Variants in ATXN10 observed in about 807,000 individuals in gnomAD.
The protein encoded by ATXN10 is ataxin-10.
Under a neutral mutation model 52.9 loss-of-function variants are expected in ATXN10, and 28 were observed. The observed-to-expected ratio is 0.53, with a 90% CI of 0.39 to 0.73. The LOEUF is 0.73. ATXN10 is among the 30% of genes least tolerant of loss of function. The probability of loss-of-function intolerance (pLI) is 0.00; values close to 1 mark genes in which losing one functional copy is unlikely to be tolerated. For synonymous variants in ATXN10, 226 were observed against 221.5 expected (o/e 1.02, Z -0.18); for missense variants, 565 against 577.0 (o/e 0.98, Z 0.21).
rs151036700 is a variant in ATXN10, at chr22:45,680,666, G to A, written c.116+8487G>A. On this transcript the variant is annotated intron_variant, in intron 1 of 11. Transcript: ENST00000252934. ...TTTGGTAGAGATTAGCTCTCACTAT[G>A]TTTCCCAGGCTGGTCTTGAACTCCT... Among the ~76,000 whole-genome samples the A allele has an allele frequency of 7.5e-3, 1,123 of 150,416 alleles. 19 individuals are homozygous for A. Among genetic ancestry groups the A allele is most frequent in the African/African-American group, 0.026 (1,064 of 40,770 alleles).
At chr22:45,689,298 A>G (rs1601589580) in intron 1 of ATXN10, among the ~76,000 whole-genome samples, 1 of 152,210 alleles carries the variant, frequency 6.6e-6, no homozygotes, top group East Asian at 1.9e-4. Flanking sequence ...GTAGATCCAT[A>G]AGCATGAGCA....
chr22:45,792,918 G>C, intron 9 of ATXN10: 1 of 417,126 alleles, frequency 2.4e-6, no homozygotes, highest in Non-Finnish European at 4.9e-6. Context: ...ACCTACATAG[G>C]GAGCCACATG....
At position 45,789,465 on chromosome 22, in the gene ATXN10, C is replaced by G. The variant is rs753526618; in HGVS notation, c.1174-17494C>G. Among the ~76,000 whole-genome samples the G allele has an allele frequency of 1.0e-3, 159 of 152,198 alleles. No homozygotes were observed. Among genetic ancestry groups the G allele is most frequent in the Non-Finnish European group, 2.0e-3 (136 of 68,018 alleles). ...CTCTTGTCATTGAAAGCCCCAGAGT[C>G]TAATGAAAGAGTGAGACAAGCAAAC... On this transcript the variant is annotated intron_variant, in intron 9 of 11. Transcript: ENST00000252934. This position sits in a 1 kb window ranked among gnomAD's most constrained non-coding sequence, Gnocchi z 4.0.
At chr22:45,698,569 T>C (rs1209873396) in intron 3 of ATXN10, among the ~76,000 whole-genome samples, 2 of 152,236 alleles carry the variant, frequency 1.3e-5, no homozygotes, top group African/African-American at 2.4e-5. Context: ...CTTAACACTA[T>C]TGAGTTTTCA....
chr22:45,716,325 C>CTT (rs1157868947), intron 5 of ATXN10, among the ~76,000 whole-genome samples: 31 of 133,268 alleles, frequency 2.3e-4, no homozygotes, highest in South Asian at 7.2e-4. Flanking sequence ...TGAGTGCTTC[C>CTT]TTTTTTTTTT....
At chr22:45,672,301 C>G in intron 1 of ATXN10, 122 bp downstream of exon 1, 1 of 1,084,492 alleles carries the variant, frequency 9.2e-7, no homozygotes, top group Non-Finnish European at 1.1e-6. Flanking sequence ...GCGAGGCCTG[C>G]GCGGGCTGCC....
At chr22:45,804,919 A>G (rs954332228) in intron 9 of ATXN10, among the ~76,000 whole-genome samples, 1 of 152,118 alleles carries the variant, frequency 6.6e-6, no homozygotes, top group African/African-American at 2.4e-5. Flanking sequence ...ATCACACACA[A>G]GATTCTCATA....
In ATXN10 at chr22:45,672,120, C is replaced by T. The variant is rs1372854487; in HGVS notation, c.57C>T (p.Pro19=). 1 of 1,540,480 alleles carries T rather than the reference C, an allele frequency of 6.5e-7. No individual in the cohort carries two copies. The highest frequency in any genetic ancestry group is 8.7e-7 in the Non-Finnish European group (1 of 1,145,648). Residue 19 remains proline (P), a synonymous_variant, in exon 1 of 12, where the codon CCC becomes CCT. Coordinates refer to ENST00000252934, the MANE Select transcript of ATXN10 (RefSeq NM_013236.4). ...TGTCGGGCGTCATGGTGCCGGCGCC[C>T]ATCCAAGACCTGGAGGCCCTGCGCG... ...ARLSGVMVPA[P]IQDLEALRAL...
chr22:45,679,486 A>G (rs1922831046), intron 1 of ATXN10: 1 of 152,264 alleles, frequency 6.6e-6, no homozygotes, highest in Non-Finnish European at 1.5e-5. Context: ...AGGTCAACAT[A>G]CCACAGAGGT....
At chr22:45,679,867 T>G (rs1922850086) in intron 1 of ATXN10, 1 of 152,192 alleles carries the variant, frequency 6.6e-6, no homozygotes, top group Non-Finnish European at 1.5e-5. Context: ...CCTCATACAT[T>G]CAATTATCTT....
Position 45,795,680 on chromosome 22 carries a change from G to T in ATXN10, c.1174-11279G>T, listed in dbSNP as rs987765039. On this transcript the variant is annotated intron_variant, in intron 9 of 11. Coordinates refer to ENST00000252934, the MANE Select transcript of ATXN10 (RefSeq NM_013236.4). The surrounding 1 kb of genome is among the most constrained non-coding windows in gnomAD (Gnocchi z 4.6). ...GAACATAAATTGTTAAGATTTCATG[G>T]ACATTTATTAGTTCCCCAAATTAAT... 2.0e-5 allele frequency among the ~76,000 whole-genome samples: 3 copies of T among 152,110 alleles called. No homozygotes were observed. The highest frequency in any genetic ancestry group is 4.4e-5 in the Non-Finnish European group (3 of 68,042).
Position 45,823,860 on chromosome 22 carries a change from C to T in ATXN10, c.1237+16838C>T, listed in dbSNP as rs979581048. Among the ~76,000 whole-genome samples, 1 of 152,186 alleles carries T rather than the reference C, an allele frequency of 6.6e-6. No homozygotes were observed. The highest frequency in any genetic ancestry group is 2.4e-5 in the African/African-American group (1 of 41,436). On this transcript the variant is annotated intron_variant, in intron 10 of 11. Transcript: ENST00000252934. This position sits in a 1 kb window ranked among gnomAD's most constrained non-coding sequence, Gnocchi z 4.9. Reference sequence around the variant, plus strand: ...AAGGTTTCAGTATGGTAGGTGGGCACACCCCCTGCTAGGCTTGGGGGCAGG... The same window carrying T: ...AAGGTTTCAGTATGGTAGGTGGGCATACCCCCTGCTAGGCTTGGGGGCAGG...
At chr22:45,817,478 C>T (rs567680181) in intron 10 of ATXN10, among the ~76,000 whole-genome samples, 2 of 152,190 alleles carry the variant, frequency 1.3e-5, no homozygotes, top group East Asian at 1.9e-4. Flanking sequence ...GCCCATGCCA[C>T]GACGCCTGGC....
intron 9 of ATXN10, among the ~76,000 whole-genome samples, chr22:45,798,655 G>A (rs908970225): frequency 5.3e-5 from 8 of 152,248 alleles, no homozygotes; most frequent in South Asian, 2.1e-4. Flanking sequence ...AGTAAACAAC[G>A]TGCTGAAGGT....
chr22:45,694,150 C>T (rs561002825), intron 3 of ATXN10, among the ~76,000 whole-genome samples: 13 of 152,002 alleles, frequency 8.6e-5, no homozygotes, highest in Middle Eastern at 3.4e-3. Context: ...CGGTTGTTGA[C>T]TTGGGATTAA....
chr22:45,792,822 G>A (rs1407713155), intron 9 of ATXN10: 2 of 529,416 alleles, frequency 3.8e-6, no homozygotes, highest in South Asian at 1.5e-5. Context: ...GAATAATGAG[G>A]CCAAAAGAGT....
intron 9 of ATXN10, among the ~76,000 whole-genome samples, chr22:45,768,083 A>G (rs986382417): frequency 6.6e-6 from 1 of 152,240 alleles, no homozygotes; most frequent in Non-Finnish European, 1.5e-5. Flanking sequence ...GCAGTATGAA[A>G]TCATGGTTAG....
chr22:45,757,281 A>G lies in ATXN10; in HGVS notation c.1173+16743A>G, dbSNP rs980294495. 6.6e-6 allele frequency among the ~76,000 whole-genome samples: 1 copy of G among 151,816 alleles called. No homozygotes were observed. The highest frequency in any genetic ancestry group is 6.6e-5 in the Admixed American group (1 of 15,236). ...TCCAACCCTGGCGACTTTCAGCTAC[A>G]CCCTCCTCCCTCCCCTAGCCCCACA... On this transcript the variant is annotated intron_variant, in intron 9 of 11. Coordinates refer to ENST00000252934, the MANE Select transcript of ATXN10 (RefSeq NM_013236.4). This position sits in a 1 kb window ranked among gnomAD's most constrained non-coding sequence, Gnocchi z 4.6.
chr22:45,694,737 G>A (rs1204265294), intron 3 of ATXN10, among the ~76,000 whole-genome samples: 2 of 151,598 alleles, frequency 1.3e-5, no homozygotes, highest in African/African-American at 2.4e-5. Context: ...AGCCGAGATC[G>A]TGCCATTGCA....
Sources: allele counts gnomAD v4.1 joint callset (sites outside exome capture counted in the v4.1 genomes callset), GRCh38; gene constraint gnomAD v4.1.1; non-coding constraint Gnocchi (gnomAD v3.1); transcripts MANE v1.5; gene names NCBI Gene and HGNC (gene_info 2026-07-23, HGNC 2026-07-21).